NDRG4: variants seen among roughly 807,000 people sequenced by gnomAD.
NDRG4 encodes the protein NDRG family member 4.
A neutral mutation model predicts 55.8 loss-of-function variants in NDRG4; 38 were observed. That is an observed-to-expected ratio of 0.68 (90% CI 0.53 to 0.89). NDRG4 has a LOEUF of 0.89. Among genes scored for constraint, NDRG4 ranks in the 40% least tolerant of loss-of-function variants. The pLI, the probability that NDRG4 is intolerant of heterozygous loss-of-function variation, is 0.00. For synonymous variants in NDRG4, 190 were observed against 182.7 expected (o/e 1.04, Z -0.32); for missense variants, 455 against 468.6 (o/e 0.97, Z 0.27).
intron 11 of NDRG4, 27 bp from the exon 12 acceptor site, chr16:58,509,127 C>G (rs371660260): frequency 6.2e-7 from 1 of 1,613,890 alleles, no homozygotes; most frequent in Non-Finnish European, 8.5e-7. Flanking sequence ...GGGCCCTGCT[C>G]AGGTCACCCC....
intron 1 of NDRG4, chr16:58,465,022 A>G: frequency 8.0e-7 from 1 of 1,247,608 alleles, no homozygotes; most frequent in Admixed American, 2.5e-5. Flanking sequence ...GGAAACTCAC[A>G]TCCAGGGGGC....
Position 58,509,331 on chromosome 16 carries a change from T to C in NDRG4, c.844T>C (p.Phe282Leu). The C allele has an allele frequency of 6.2e-7, 1 of 1,613,992 alleles. No homozygotes were observed. The highest frequency in any genetic ancestry group is 8.5e-7 in the Non-Finnish European group (1 of 1,180,000). The change falls in exon 13 of 15, where the codon TTC becomes CTC. Residue 282 changes from phenylalanine (F) to leucine (L), a missense_variant. Physicochemically the swap from Phe to Leu is conservative, Grantham distance 22. Coordinates refer to ENST00000570248, the MANE Select transcript of NDRG4 (RefSeq NM_001242835.2). The stretch of plus-strand genomic sequence containing the variant: ...GAAGCTGACTGAAGCCTTCAAATAC[T>C]TCCTGCAAGGCATGGGCTACAGTGA... ...PGKLTEAFKYFLQGMGYIAYL... is the reference protein window; with the variant it reads ...PGKLTEAFKYLLQGMGYIAYL...
chr16:58,507,598 T>C (rs2038211648), intron 8 of NDRG4: 3 of 563,826 alleles, frequency 5.3e-6, no homozygotes, highest in Admixed American at 6.1e-5. Flanking sequence ...GCGGTGCGCA[T>C]GGCTCTGAGG....
chr16:58,502,859 C>T (rs535567304), intron 1 of NDRG4, among the ~76,000 whole-genome samples: 46 of 152,304 alleles, frequency 3.0e-4, no homozygotes, highest in Admixed American at 9.8e-4. Flanking sequence ...TTTGCCCATC[C>T]GAGTGGCTAA....
chr16:58,500,290 C>T lies in NDRG4; in HGVS notation c.21+21C>T, dbSNP rs2036906298. 7 of 1,535,392 alleles carry T rather than the reference C, an allele frequency of 4.6e-6. No individual in the cohort carries two copies. The South Asian group carries it at 8.3e-5, about 18-fold the overall frequency. ...ATGGGGTGAGTGAGGGCGCTGCGGG[C>T]ATCAAGGTGGGCCGGGAGGATGGTG... On this transcript the variant is annotated intron_variant, in intron 1 of 14. Transcript: ENST00000570248.
Position 58,464,106 on chromosome 16 carries a change from C to T in NDRG4, c.-24+309C>T. The T allele has an allele frequency of 3.4e-6, 1 of 295,610 alleles. No homozygotes were observed. Among genetic ancestry groups the T allele is most frequent in the Non-Finnish European group, 6.2e-6 (1 of 160,926 alleles). 18.3% of individuals were successfully genotyped at this position (295,610 alleles called of 1,614,324 possible). A position where few individuals can be genotyped will look rare whatever the true frequency, so the allele number is the denominator to read the frequency against. ...CGGCGGGGTCTCTTTGTTCGGGCGG[C>T]GGGCACGGGGGACCACCTCCCACGG... is the stretch of plus-strand genomic sequence containing the variant. On this transcript the variant is annotated intron_variant, in intron 1 of 15. Transcript: ENST00000258187. The surrounding 1 kb of genome is among the most constrained non-coding windows in gnomAD (Gnocchi z 4.8).
rs2038849412 is a variant in NDRG4, at chr16:58,511,941, G to C, written c.*365G>C. On this transcript the variant is annotated 3_prime_UTR_variant, in exon 15 of 15. Coordinates refer to ENST00000570248, the MANE Select transcript of NDRG4 (RefSeq NM_001242835.2). ...GAGATGAGAGAGGCTTCGAGAGGGTGGGTGCTGGGCCACAGGGGTGCGGGG... is the reference window on the plus strand; with the variant it reads ...GAGATGAGAGAGGCTTCGAGAGGGTCGGTGCTGGGCCACAGGGGTGCGGGG... The C allele has an allele frequency of 2.2e-6, 1 of 453,510 alleles. No homozygotes were observed. Among genetic ancestry groups the C allele is most frequent in the Non-Finnish European group, 4.4e-6 (1 of 229,492 alleles). The allele number at this position is 453,510 out of a possible 1,614,324, so 28.1% of individuals were successfully genotyped here. A position where few individuals can be genotyped will look rare whatever the true frequency, so the allele number is the denominator to read the frequency against.
At position 58,506,395 on chromosome 16, in the gene NDRG4, C is replaced by T. The variant is rs1351371573; in HGVS notation, c.381C>T (p.Phe127=). Residue 127 remains phenylalanine, a synonymous_variant, in exon 6 of 15, where the codon TTC becomes TTT. Transcript: ENST00000570248. ...TTCCCCTCTTACTGCAGCTCATCTTCCCCGACCTGGTGGAGGGGCTGGTGC... is the reference window on the plus strand; with the variant it reads ...TTCCCCTCTTACTGCAGCTCATCTTTCCCGACCTGGTGGAGGGGCTGGTGC... ...AYVLAKFALI[F]PDLVEGLVLV... The T allele has an allele frequency of 1.2e-6, 2 of 1,613,888 alleles. No homozygotes were observed. Among genetic ancestry groups the T allele is most frequent in the Non-Finnish European group, 1.7e-6 (2 of 1,180,010 alleles).
chr16:58,512,014 C>T lies in NDRG4; in HGVS notation c.*438C>T, dbSNP rs1382181466. On this transcript the variant is annotated 3_prime_UTR_variant, in exon 15 of 15. Coordinates refer to ENST00000570248, the MANE Select transcript of NDRG4 (RefSeq NM_001242835.2). ...AGCCCTGGGAGACCCCTTCCCCCACCCTCCACCAAGCACACCTGTTTCTGT... is the reference window on the plus strand; with the variant it reads ...AGCCCTGGGAGACCCCTTCCCCCACTCTCCACCAAGCACACCTGTTTCTGT... 6.5e-6 allele frequency: 3 copies of T among 460,062 alleles called. No homozygotes were observed. The East Asian group carries it at 2.1e-4, about 31-fold the overall frequency. The allele number at this position is 460,062 out of a possible 1,614,324, so 28.5% of individuals were successfully genotyped here.
At chr16:58,492,242 T>G (rs889886557) in intron 2 of NDRG4, among the ~76,000 whole-genome samples, 1 of 152,136 alleles carries the variant, frequency 6.6e-6, no homozygotes, top group Non-Finnish European at 1.5e-5. Context: ...TCTGGGTTCC[T>G]CTGCTCCTAT....
Position 58,464,341 on chromosome 16 carries a change from G to C in NDRG4, c.-24+544G>C. On this transcript the variant is annotated intron_variant, in intron 1 of 15. Coordinates refer to the NDRG4 transcript ENST00000258187. The surrounding 1 kb of genome is among the most constrained non-coding windows in gnomAD (Gnocchi z 4.8). ...TCGCTCCGCGCTCTCCTGCCGCTCCGCTCCGGGTCTCCCGCGCTCCTCTCC... is the reference window on the plus strand; with the variant it reads ...TCGCTCCGCGCTCTCCTGCCGCTCCCCTCCGGGTCTCCCGCGCTCCTCTCC... The C allele has an allele frequency of 8.3e-7, 1 of 1,200,822 alleles. No individual in the cohort carries two copies. Among genetic ancestry groups the C allele is most frequent in the Non-Finnish European group, 1.1e-6 (1 of 926,626 alleles). 74.4% of individuals were successfully genotyped at this position (1,200,822 alleles called of 1,614,324 possible). A position where few individuals can be genotyped will look rare whatever the true frequency, so the allele number is the denominator to read the frequency against.
At position 58,464,407 on chromosome 16, in the gene NDRG4, A is replaced by AG; in HGVS notation, c.-24+611dup. On this transcript the variant is annotated intron_variant, in intron 1 of 15. Transcript: ENST00000258187. The surrounding 1 kb of genome is among the most constrained non-coding windows in gnomAD (Gnocchi z 4.8). ...GCGCTGCCCCGACGCCGCCACCCAG[A>AG]GCCGGGCCGCGCCGGGCGCCGAGAT... 2 of 1,367,820 alleles carry AG rather than the reference A, an allele frequency of 1.5e-6. No homozygotes were observed. Among genetic ancestry groups the AG allele is most frequent in the Non-Finnish European group, 9.4e-7 (1 of 1,063,480 alleles). The allele number at this position is 1,367,820 out of a possible 1,614,324, so 84.7% of individuals were successfully genotyped here. A position where few individuals can be genotyped will look rare whatever the true frequency, so the allele number is the denominator to read the frequency against.
intron 5 of NDRG4, among the ~76,000 whole-genome samples, chr16:58,505,304 G>C (rs8056183): frequency 1.5e-4 from 23 of 151,490 alleles, no homozygotes; most frequent in South Asian, 1.3e-3. Flanking sequence ...AGCTGAGATC[G>C]CGCCACTGCA....
chr16:58,492,549 TGTGA>T (rs1235639664), intron 2 of NDRG4, among the ~76,000 whole-genome samples: 30 of 73,902 alleles, frequency 4.1e-4, no homozygotes, highest in Non-Finnish European at 6.2e-4. Flanking sequence ...TGTGTGTGTG[TGTGA>T]GAGACAGACA....
intron 1 of NDRG4, among the ~76,000 whole-genome samples, chr16:58,473,641 C>G (rs1229868300): frequency 6.6e-6 from 1 of 152,166 alleles, no homozygotes; most frequent in Non-Finnish European, 1.5e-5. Context: ...CCTCTCCTGC[C>G]CATGTCTGAT....
chr16:58,501,375 A>G (rs1488227967), intron 1 of NDRG4: 2 of 299,746 alleles, frequency 6.7e-6, no homozygotes, highest in African/African-American at 4.3e-5. Flanking sequence ...GGACCGACCG[A>G]GAGGAGCCGC....
Position 58,485,814 on chromosome 16 carries a change from A to G in NDRG4, c.-23-1942A>G, listed in dbSNP as rs537335312. On this transcript the variant is annotated intron_variant, in intron 1 of 15. Coordinates refer to the NDRG4 transcript ENST00000258187. ...TTATTGTAACAGGAATTTTCCCATT[A>G]TATTAAATAATATTTTATTATTGAC... is the stretch of plus-strand genomic sequence containing the variant. 3.3e-5 allele frequency among the ~76,000 whole-genome samples: 5 copies of G among 152,284 alleles called. No homozygotes were observed. In the East Asian group the frequency reaches 9.7e-4, roughly 29 times the overall value.
chr16:58,492,715 T>C (rs2035951181), intron 2 of NDRG4, among the ~76,000 whole-genome samples: 1 of 152,158 alleles, frequency 6.6e-6, no homozygotes, highest in Non-Finnish European at 1.5e-5. Flanking sequence ...CCTTCTTTTT[T>C]GTTAGCTTTT....
At position 58,509,188 on chromosome 16, in the gene NDRG4, A is replaced by C; in HGVS notation, c.812A>C (p.Gln271Pro). ...TCTGGAGGGCTGCCCCAGGTCACAC[A>C]GGTGAGACTTTTGGCCCTCCTGCCC... ...ADSGGLPQVT[Q>P]PGKLTEAFKY... Residue 271 changes from glutamine (Q) to proline (P), a missense_variant and splice_region_variant, in exon 12 of 15, where the codon CAG (glutamine) becomes CCG (proline). Gln to Pro is a moderately conservative substitution (Grantham distance 76). Transcript: ENST00000570248. 1 of 1,614,030 alleles carries C rather than the reference A, an allele frequency of 6.2e-7. No individual in the cohort carries two copies.
Sources: gnomAD v4.1 joint callset for allele counts (sites outside exome capture counted in the v4.1 genomes callset) on GRCh38, gnomAD v4.1.1 for gene constraint, Gnocchi (gnomAD v3.1) non-coding constraint, MANE v1.5 for transcripts, NCBI Gene and HGNC (gene_info 2026-07-23, HGNC 2026-07-21) for gene names.